Variants in CALR observed in about 807,000 individuals in gnomAD.
CALR encodes calreticulin.
Under a neutral mutation model 51.1 loss-of-function variants are expected in CALR, and 15 were observed. That is an observed-to-expected ratio of 0.29 (90% CI 0.20 to 0.45). The LOEUF (loss-of-function observed/expected upper bound fraction) is 0.45. Among genes scored for constraint, CALR ranks in the 20% least tolerant of loss-of-function variants. The pLI is 1.00. For synonymous variants in CALR, 239 were observed against 205.9 expected (o/e 1.16, Z -1.38); for missense variants, 477 against 530.6 (o/e 0.90, Z 0.99).
Position 12,940,435 on chromosome 19 carries a change from A to G in CALR, c.685A>G (p.Thr229Ala). Residue 229 changes from threonine to alanine, a missense_variant, in exon 5 of 9, where the codon ACA becomes GCA. Transcript: ENST00000316448. ...TGAGCGGGCCAAGATCGATGATCCC[A>G]CAGACTCCAAGCCTGAGGTTGGTGT... ...WDERAKIDDP[T>A]DSKPEDWDKP... 6.2e-7 allele frequency: 1 copy of G among 1,614,168 alleles called. No individual in the cohort carries two copies. The highest frequency in any genetic ancestry group is 1.1e-5 in the South Asian group (1 of 91,080).
intron 4 of CALR, 36 bp from the exon 5 acceptor site, chr19:12,940,206 TG>T: frequency 6.2e-7 from 1 of 1,609,944 alleles, no homozygotes. Flanking sequence ...TCAGCCTCAT[TG>T]GGGGGTGGCC....
At chr19:12,942,281 T>C (rs766159089) in intron 7 of CALR, among the ~76,000 whole-genome samples, 1 of 150,364 alleles carries the variant, frequency 6.7e-6, no homozygotes, top group Non-Finnish European at 1.5e-5. Flanking sequence ...AAGGATGACG[T>C]GAACCCGGGA....
chr19:12,938,884 G>A (rs985580958), intron 1 of CALR, 114 bp downstream of exon 1: 6 of 878,984 alleles, frequency 6.8e-6, no homozygotes, highest in African/African-American at 5.0e-5. Context: ...GGCCTCCCGG[G>A]ACTAGAGCCG....
chr19:12,943,713 G>A lies in CALR; in HGVS notation c.1054G>A (p.Ala352Thr), dbSNP rs1971580712. 1 of 1,613,986 alleles carries A rather than the reference G, an allele frequency of 6.2e-7. No homozygotes were observed. The highest frequency in any genetic ancestry group is 1.7e-5 in the Admixed American group (1 of 59,982). The change falls in exon 9 of 9, where the codon GCA becomes ACA. Residue 352 changes from alanine (A) to threonine (T), a missense_variant and splice_region_variant. Ala to Thr is a moderately conservative substitution (Grantham distance 58). Transcript: ENST00000316448. ...FGNETWGVTKAAEKQMKDKQD... is the reference protein window; with the variant it reads ...FGNETWGVTKTAEKQMKDKQD... ...CCTGAGGTGTGTGCTCTGCCTGCAG[G>A]CAGCAGAGAAACAAATGAAGGACAA...
In CALR at chr19:12,943,889, C is replaced by T. The variant is rs779921248; in HGVS notation, c.1230C>T (p.Pro410=). 9.4e-6 allele frequency: 15 copies of T among 1,595,526 alleles called. No individual in the cohort carries two copies. The highest frequency in any genetic ancestry group is 4.3e-4 in the Middle Eastern group (2 of 4,608). Reference sequence around the variant, plus strand: ...AGGAAGATGAGGAGGAAGATGTCCCCGGCCAGGCCAAGGACGAGCTGTAGA... The same window carrying T: ...AGGAAGATGAGGAGGAAGATGTCCCTGGCCAGGCCAAGGACGAGCTGTAGA... ...DKEEDEEEDV[P]GQAKDEL Residue 410 remains proline (P), a synonymous_variant, in exon 9 of 9, where the codon CCC becomes CCT. Transcript: ENST00000316448.
intron 7 of CALR, among the ~76,000 whole-genome samples, chr19:12,942,230 G>T (rs1971558813): frequency 6.6e-6 from 1 of 151,750 alleles, no homozygotes; most frequent in African/African-American, 2.4e-5. Context: ...AGGTGTGGTG[G>T]TGGGCGCCTG....
chr19:12,943,971 G>A lies in CALR; in HGVS notation c.*58G>A, dbSNP rs772804964. The A allele has an allele frequency of 1.0e-5, 16 of 1,593,800 alleles. No homozygotes were observed. The highest frequency in any genetic ancestry group is 7.0e-5 in the Admixed American group (4 of 57,318). ...GAGCGCTCCTGCCGCAGAGCTGGCC[G>A]CGCCAAATAATGTCTCTGTGAGACT... On this transcript the variant is annotated 3_prime_UTR_variant, in exon 9 of 9. Transcript: ENST00000316448.
In CALR at chr19:12,940,709, T is replaced by C. The variant is rs745429234; in HGVS notation, c.817-35T>C. The C allele has an allele frequency of 7.4e-6, 12 of 1,613,948 alleles. 1 individual carries two copies. The highest frequency in any genetic ancestry group is 1.6e-4 in the Middle Eastern group (1 of 6,084). ...GCTCACAGTGGGGAGTGCACCAACC[T>C]TACTCACCCTTCGGTTTCCTTCTCC... is the stretch of plus-strand genomic sequence containing the variant. On this transcript the variant is annotated intron_variant, in intron 6 of 8. Transcript: ENST00000316448.
intron 1 of CALR, 32 bp from the exon 2 acceptor site, chr19:12,939,102 G>GCTCTGACCTACCC (rs1311403029): frequency 2.3e-6 from 3 of 1,310,302 alleles, no homozygotes; most frequent in Non-Finnish European, 3.3e-6. Context: ...TAGCACAGCC[G>GCTCTGACCTACCC]CTCTGACCTA....
At chr19:12,940,701 C>T in intron 6 of CALR, 43 bp from the exon 7 acceptor site, 1 of 1,614,036 alleles carries the variant, frequency 6.2e-7, no homozygotes, top group Non-Finnish European at 8.5e-7. Flanking sequence ...GTGGGGAGTG[C>T]ACCAACCTTA....
rs1448200199 is a variant in CALR at position 12,938,739 on chromosome 19, C to T, written c.60C>T (p.Ala20=). 3.1e-6 allele frequency: 5 copies of T among 1,611,748 alleles called. No individual in the cohort carries two copies. The highest frequency in any genetic ancestry group is 1.3e-5 in the African/African-American group (1 of 75,040). The change falls in exon 1 of 9, where the codon GCC becomes GCT. Residue 20 remains alanine, a synonymous_variant. Coordinates refer to ENST00000316448, the MANE Select transcript of CALR (RefSeq NM_004343.4). ...GLLGLAVAEP[A]VYFKEQFLDG... ...TCGGCCTGGCCGTCGCCGAGCCTGC[C>T]GTCTACTTCAAGGAGCAGTTTCTGG... is the stretch of plus-strand genomic sequence containing the variant.
Position 12,940,226 on chromosome 19 carries a change from CCTT to C in CALR, c.493-12_493-10del, listed in dbSNP as rs1568448511. ...CTCATTGGGGGGTGGCCCCCGCTCA[CCTT>C]CTTCCTTCTTCAGGATGATGAGTTT... On this transcript the variant is annotated splice_polypyrimidine_tract_variant and intron_variant, in intron 4 of 8. Coordinates refer to ENST00000316448, the MANE Select transcript of CALR (RefSeq NM_004343.4). 2.5e-6 allele frequency: 4 copies of C among 1,613,816 alleles called. No homozygotes were observed. The highest frequency in any genetic ancestry group is 1.6e-4 in the Middle Eastern group (1 of 6,084).
chr19:12,940,176 G>A, intron 4 of CALR, 29 bp downstream of exon 4: 1 of 1,611,538 alleles, frequency 6.2e-7, no homozygotes, highest in Admixed American at 1.7e-5. Flanking sequence ...GCAAATGGCT[G>A]TCATGGGGAG....
chr19:12,940,725 T>C lies in CALR; in HGVS notation c.817-19T>C. On this transcript the variant is annotated intron_variant, in intron 6 of 8. Transcript: ENST00000316448. ...GCACCAACCTTACTCACCCTTCGGT[T>C]TCCTTCTCCCTTCTGCAGGGTGAGT... 1 of 1,614,146 alleles carries C rather than the reference T, an allele frequency of 6.2e-7. No homozygotes were observed. Among genetic ancestry groups the C allele is most frequent in the East Asian group, 2.2e-5 (1 of 44,884 alleles).
intron 7 of CALR, among the ~76,000 whole-genome samples, chr19:12,942,549 G>T (rs1008450265): frequency 2.6e-5 from 4 of 151,652 alleles, no homozygotes; most frequent in African/African-American, 7.3e-5. Flanking sequence ...AAACCACAAA[G>T]CTGGGGTTTG....
chr19:12,939,504 G>C lies in CALR; in HGVS notation c.270G>C (p.Thr90=), dbSNP rs199928255. 196 of 1,613,300 alleles carry C rather than the reference G, an allele frequency of 1.2e-4. No homozygotes were observed. The highest frequency in any genetic ancestry group is 1.9e-4 in the Middle Eastern group (1 of 5,312). The change falls in exon 3 of 9, where the codon ACG becomes ACC. Residue 90 remains threonine (T), a synonymous_variant. Coordinates refer to ENST00000316448, the MANE Select transcript of CALR (RefSeq NM_004343.4). ...SFEPFSNKGQ[T]LVVQFTVKHE... is the part of the protein sequence containing the mutation. ...AGCCTTTCAGCAACAAAGGCCAGAC[G>C]CTGGTGGTGCAGTTCACGGTGAAAC...
chr19:12,943,887 C>T lies in CALR; in HGVS notation c.1228C>T (p.Pro410Ser), dbSNP rs1368310230. ...GGAGGAAGATGAGGAGGAAGATGTC[C>T]CCGGCCAGGCCAAGGACGAGCTGTA... ...DKEEDEEEDV[P>S]GQAKDEL Residue 410 changes from proline to serine, a missense_variant, in exon 9 of 9, where the codon CCC becomes TCC. Coordinates refer to ENST00000316448, the MANE Select transcript of CALR (RefSeq NM_004343.4). 4 of 1,594,526 alleles carry T rather than the reference C, an allele frequency of 2.5e-6. No individual in the cohort carries two copies. Among genetic ancestry groups the T allele is most frequent in the East Asian group, 4.5e-5 (2 of 44,274 alleles).
chr19:12,939,993 G>C, intron 3 of CALR, 60 bp from the exon 4 acceptor site: 1 of 1,192,352 alleles, frequency 8.4e-7, no homozygotes, highest in Non-Finnish European at 1.3e-6. Context: ...ATAAAGAGGG[G>C]TGAGAGCCTC....
intron 7 of CALR, 91 bp downstream of exon 7, chr19:12,940,978 G>A: frequency 7.9e-7 from 1 of 1,258,588 alleles, no homozygotes; most frequent in Non-Finnish European, 1.2e-6. Flanking sequence ...CACCCCAGGT[G>A]AGTCTGACTC....
Sources: allele counts gnomAD v4.1 joint callset (sites outside exome capture counted in the v4.1 genomes callset), GRCh38; gene constraint gnomAD v4.1.1; transcripts MANE v1.5; gene names NCBI Gene and HGNC (gene_info 2026-07-23, HGNC 2026-07-21).